COMMD7: variants seen among roughly 807,000 people sequenced by gnomAD.
COMMD7 encodes COMM domain-containing protein 7.
In COMMD7, 28 loss-of-function variants were observed where a neutral mutation model predicts 34.8. The observed-to-expected ratio is 0.80, with a 90% CI of 0.60 to 1.10. COMMD7 has a LOEUF of 1.10. COMMD7 is among the 50% of genes least tolerant of loss of function. The probability of loss-of-function intolerance (pLI) is 0.00; values close to 1 mark genes in which losing one functional copy is unlikely to be tolerated. For synonymous variants in COMMD7, 80 were observed against 86.4 expected, an observed-to-expected ratio of 0.93 and a Z score of 0.41; for missense variants, 211 against 241.6, an observed-to-expected ratio of 0.87 and a Z score of 0.84.
At chr20:32,717,021 T>C (rs1487161224) in intron 3 of COMMD7, among the ~76,000 whole-genome samples, 1 of 152,282 alleles carries the variant, frequency 6.6e-6, no homozygotes, top group African/African-American at 2.4e-5. Flanking sequence ...GTAGTAGAGA[T>C]GTGGTTTCAC....
intron 3 of COMMD7, 44 bp downstream of exon 3, chr20:32,727,849 C>T (rs763410677): frequency 6.9e-7 from 1 of 1,458,026 alleles, no homozygotes; most frequent in Non-Finnish European, 9.6e-7. Context: ...AAGGAATGTT[C>T]AAGTTAATGT....
At chr20:32,729,616 TAAA>T (rs59640846) in intron 1 of COMMD7, among the ~76,000 whole-genome samples, 1 of 141,978 alleles carries the variant, frequency 7.0e-6, no homozygotes, top group Non-Finnish European at 1.5e-5. Flanking sequence ...CCCCACCTCT[TAAA>T]AAAAAAAAAA....
chr20:32,731,628 A>G (rs544865144), intron 1 of COMMD7, among the ~76,000 whole-genome samples: 1 of 152,330 alleles, frequency 6.6e-6, no homozygotes, highest in Admixed American at 6.5e-5. Flanking sequence ...GGGGCCACCT[A>G]CAATTTTCAA....
At chr20:32,732,872 C>A (rs962699452) in intron 1 of COMMD7, among the ~76,000 whole-genome samples, 10 of 151,554 alleles carry the variant, frequency 6.6e-5, no homozygotes, top group African/African-American at 2.4e-4. Context: ...GGAGGTGGAG[C>A]TTGCAGTGAG....
In COMMD7 at chr20:32,706,699, C is replaced by G; in HGVS notation, c.298+5G>C. Reference sequence around the variant, plus strand: ...CACCCTGAGCAACCCTGGCCAATGACCTACCCAGAGTTATGAAATCCGCCT... The same window carrying G: ...CACCCTGAGCAACCCTGGCCAATGAGCTACCCAGAGTTATGAAATCCGCCT... On this transcript the variant is annotated splice_donor_5th_base_variant and intron_variant, in intron 4 of 8. Coordinates refer to ENST00000278980, the MANE Select transcript of COMMD7 (RefSeq NM_053041.3). The G allele has an allele frequency of 6.2e-7, 1 of 1,613,812 alleles. No homozygotes were observed. Among genetic ancestry groups the G allele is most frequent in the South Asian group, 1.1e-5 (1 of 91,076 alleles).
rs201799486 is a variant in COMMD7 at position 32,728,155 on chromosome 20, C to T, written c.85-13G>A. The stretch of plus-strand genomic sequence containing the variant: ...GGGCTGAGAACTGCTGTGAAGAAAA[C>T]AACACAGAACATCAGTACAATTTCT... On this transcript the variant is annotated splice_polypyrimidine_tract_variant and intron_variant, in intron 1 of 8. Coordinates refer to ENST00000278980, the MANE Select transcript of COMMD7 (RefSeq NM_053041.3). 2 of 1,606,484 alleles carry T rather than the reference C, an allele frequency of 1.2e-6. No homozygotes were observed. Among genetic ancestry groups the T allele is most frequent in the Non-Finnish European group, 1.7e-6 (2 of 1,174,506 alleles).
intron 1 of COMMD7, among the ~76,000 whole-genome samples, chr20:32,739,482 A>C (rs1237526765): frequency 6.6e-6 from 1 of 151,544 alleles, no homozygotes; most frequent in African/African-American, 2.4e-5. Context: ...CATCTCTACT[A>C]AAAATACAAA....
At chr20:32,737,676 A>T (rs893950428) in intron 1 of COMMD7, among the ~76,000 whole-genome samples, 1 of 151,916 alleles carries the variant, frequency 6.6e-6, no homozygotes, top group Non-Finnish European at 1.5e-5. Context: ...AAAAAAAATT[A>T]AAAAATAAAA....
At chr20:32,714,270 G>A (rs552328399) in intron 3 of COMMD7, among the ~76,000 whole-genome samples, 1 of 152,214 alleles carries the variant, frequency 6.6e-6, no homozygotes, top group East Asian at 1.9e-4. Flanking sequence ...ATTCTTTTTT[G>A]TGTGTATGTT....
rs1280734147 is a variant in COMMD7, at chr20:32,703,884, G to C, written c.526+139C>G. On this transcript the variant is annotated intron_variant, in intron 8 of 8. Transcript: ENST00000278980. The stretch of plus-strand genomic sequence containing the variant: ...ACTCCTTGTGCCATCTTTCAGGAGA[G>C]GAAAGGCAGTGGAACAGCTACTCCA... 4.5e-6 allele frequency: 7 copies of C among 1,554,656 alleles called. No individual in the cohort carries two copies. The East Asian group carries it at 1.7e-4, about 37-fold the overall frequency.
intron 3 of COMMD7, among the ~76,000 whole-genome samples, chr20:32,727,449 T>A (rs2145762425): frequency 6.8e-6 from 1 of 147,738 alleles, no homozygotes; most frequent in African/African-American, 2.5e-5. Flanking sequence ...AGTAGGAGAA[T>A]CACTTGAACT....
chr20:32,738,785 G>A (rs1986276058), intron 1 of COMMD7, among the ~76,000 whole-genome samples: 2 of 152,034 alleles, frequency 1.3e-5, no homozygotes, highest in Admixed American at 6.6e-5. Flanking sequence ...GGGCTGGAGT[G>A]CAGTGGCATA....
intron 3 of COMMD7, among the ~76,000 whole-genome samples, chr20:32,710,082 T>C (rs1178115901): frequency 6.6e-6 from 1 of 151,802 alleles, no homozygotes; most frequent in Admixed American, 6.6e-5. Context: ...AGTCTCACTA[T>C]CTTGCCAGCT....
At position 32,706,563 on chromosome 20, in the gene COMMD7, T is replaced by C; in HGVS notation, c.336+20A>G. The C allele has an allele frequency of 6.3e-7, 1 of 1,583,976 alleles. No individual in the cohort carries two copies. Among genetic ancestry groups the C allele is most frequent in the East Asian group, 2.2e-5 (1 of 44,648 alleles). ...AAGGGATCTTAATCAGCCATTAACC[T>C]TGATTAAGAGGAATTATACCTTTTC... is the stretch of plus-strand genomic sequence containing the variant. On this transcript the variant is annotated intron_variant, in intron 5 of 8. Coordinates refer to ENST00000278980, the MANE Select transcript of COMMD7 (RefSeq NM_053041.3).
Position 32,708,735 on chromosome 20 carries a change from C to T in COMMD7, c.242-1975G>A, listed in dbSNP as rs537058955. 1.8e-3 allele frequency among the ~76,000 whole-genome samples: 250 copies of T among 141,910 alleles called. 1 individual carries two copies. The highest frequency in any genetic ancestry group is 2.9e-3 in the South Asian group (12 of 4,164). 93.1% of individuals were successfully genotyped at this position (141,910 alleles called of 152,430 possible). On this transcript the variant is annotated intron_variant, in intron 3 of 8. Coordinates refer to ENST00000278980, the MANE Select transcript of COMMD7 (RefSeq NM_053041.3). Reference sequence around the variant, plus strand: ...GGAGTGCAGTTGGGCAATCTCAGCTCACCTCCTACCACACCGGGGTGGGTG... The same window carrying T: ...GGAGTGCAGTTGGGCAATCTCAGCTTACCTCCTACCACACCGGGGTGGGTG...
intron 3 of COMMD7, among the ~76,000 whole-genome samples, chr20:32,711,230 C>G (rs957010218): frequency 6.6e-6 from 1 of 151,926 alleles, no homozygotes; most frequent in East Asian, 1.9e-4. Context: ...AACCCCGTCT[C>G]CACTAAAAAT....
chr20:32,742,005 T>C (rs1033049853), intron 1 of COMMD7, among the ~76,000 whole-genome samples: 6 of 152,060 alleles, frequency 3.9e-5, no homozygotes, highest in Non-Finnish European at 7.4e-5. Context: ...CTGGCCAACA[T>C]GGTCAAACCC....
intron 1 of COMMD7, among the ~76,000 whole-genome samples, chr20:32,734,004 T>C (rs1009953555): frequency 4.0e-5 from 6 of 149,492 alleles, no homozygotes; most frequent in Admixed American, 1.3e-4. Flanking sequence ...TGAAACCCCA[T>C]CTCTACTAAA....
intron 3 of COMMD7, among the ~76,000 whole-genome samples, chr20:32,715,120 A>T (rs1000981015): frequency 2.2e-4 from 33 of 152,018 alleles, no homozygotes; most frequent in Non-Finnish European, 3.8e-4. Flanking sequence ...GTAAGCAGAG[A>T]TTGTGCCACT....
Sources: allele counts gnomAD v4.1 joint callset (sites outside exome capture counted in the v4.1 genomes callset), GRCh38; gene constraint gnomAD v4.1.1; transcripts MANE v1.5; gene names NCBI Gene and HGNC (gene_info 2026-07-23, HGNC 2026-07-21).